Variants in C16orf96 observed in about 807,000 individuals in gnomAD.
C16orf96 encodes the protein chromosome 16 open reading frame 96, also known as uncharacterized protein C16orf96.
A neutral mutation model predicts 103.6 loss-of-function variants in C16orf96; 108 were observed. The observed-to-expected ratio is 1.04, with a 90% CI of 0.89 to 1.22. The LOEUF (loss-of-function observed/expected upper bound fraction) is 1.22. C16orf96 is among the 50% of genes most tolerant of loss of function. The pLI is 0.00. For synonymous variants in C16orf96, 566 were observed against 593.5 expected (o/e 0.95, Z 0.67); for missense variants, 1,586 against 1,464.2 (o/e 1.08, Z -1.36).
the C16orf96 span, among the ~76,000 whole-genome samples, chr16:4,540,736 A>T: frequency 6.6e-6 from 1 of 151,854 alleles, no homozygotes; most frequent in African/African-American, 2.4e-5. Context: ...AAATAAAATA[A>T]AACTCTGGAT....
intron 1 of C16orf96, chr16:4,562,900 C>G: frequency 1.4e-6 from 2 of 1,423,412 alleles, no homozygotes; most frequent in Non-Finnish European, 2.0e-6. Flanking sequence ...CCTTTTCTTC[C>G]TGGTTTCATT....
At chr16:4,545,355 T>C in the C16orf96 span, among the ~76,000 whole-genome samples, 1 of 151,902 alleles carries the variant, frequency 6.6e-6, no homozygotes, top group Admixed American at 6.6e-5. Context: ...TACAGGTGCA[T>C]GCAACCACAA....
the C16orf96 span, among the ~76,000 whole-genome samples, chr16:4,544,031 A>C: frequency 6.6e-6 from 1 of 152,156 alleles, no homozygotes; most frequent in Non-Finnish European, 1.5e-5. Context: ...AAGGGGCTCT[A>C]GGATGGATCC....
At chr16:4,579,363 G>A (rs2059554464) in intron 6 of C16orf96, among the ~76,000 whole-genome samples, 1 of 151,930 alleles carries the variant, frequency 6.6e-6, no homozygotes, top group Admixed American at 6.6e-5. Context: ...GACCAGCCTG[G>A]GCAACATAGT....
chr16:4,593,394 G>C lies in C16orf96; in HGVS notation c.2867+78G>C. 3.7e-6 allele frequency: 5 copies of C among 1,341,644 alleles called. No individual in the cohort carries two copies. Among genetic ancestry groups the C allele is most frequent in the Non-Finnish European group, 5.2e-6 (5 of 967,890 alleles). The allele number at this position is 1,341,644 out of a possible 1,614,324, so 83.1% of individuals were successfully genotyped here. A position where few individuals can be genotyped will look rare whatever the true frequency, so the allele number is the denominator to read the frequency against. ...GGAGCCTGGGAACCCTGTTCCTGCAGAGACACATCCTCCAGGCCCAGGGAC... is the reference window on the plus strand; with the variant it reads ...GGAGCCTGGGAACCCTGTTCCTGCACAGACACATCCTCCAGGCCCAGGGAC... On this transcript the variant is annotated intron_variant, in intron 12 of 15. Transcript: ENST00000444310. This position sits in a 1 kb window ranked among gnomAD's most constrained non-coding sequence, Gnocchi z 4.2.
At chr16:4,539,408 G>A in the C16orf96 span, among the ~76,000 whole-genome samples, 2 of 152,238 alleles carry the variant, frequency 1.3e-5, no homozygotes, top group Non-Finnish European at 2.9e-5. Context: ...TTAGGGCCCA[G>A]CTCAGTGGCT....
chr16:4,579,030 G>A lies in C16orf96; in HGVS notation c.2241+5G>A, dbSNP rs1239958217. ...CTCCAGAAATCTAGGCTCAAGGTTA[G>A]TGTCTCCGGCGAAGGGCTTTTGAGG... On this transcript the variant is annotated splice_donor_5th_base_variant and intron_variant, in intron 6 of 15. Coordinates refer to ENST00000444310, the MANE Select transcript of C16orf96 (RefSeq NM_001145011.2). 1 of 1,551,178 alleles carries A rather than the reference G, an allele frequency of 6.4e-7. No homozygotes were observed. Among genetic ancestry groups the A allele is most frequent in the African/African-American group, 1.4e-5 (1 of 73,054 alleles).
At chr16:4,543,145 C>G in the C16orf96 span, among the ~76,000 whole-genome samples, 1 of 152,038 alleles carries the variant, frequency 6.6e-6, no homozygotes, top group African/African-American at 2.4e-5. Flanking sequence ...GAGGGAGTGC[C>G]CGAACAAGGA....
chr16:4,587,385 A>G (rs542905326), intron 8 of C16orf96, among the ~76,000 whole-genome samples: 7 of 152,122 alleles, frequency 4.6e-5, no homozygotes, highest in Non-Finnish European at 1.0e-4. Context: ...AAAAGTAGCC[A>G]GGCGTGGTGG....
intron 7 of C16orf96, among the ~76,000 whole-genome samples, chr16:4,583,786 G>A (rs28562537): frequency 0.12 from 18,048 of 151,666 alleles, 2,490 homozygotes; most frequent in African/African-American, 0.34. Flanking sequence ...TTAGCCAGGC[G>A]TGGTGGCGCA....
intron 7 of C16orf96, 56 bp from the exon 8 acceptor site, chr16:4,586,983 C>T (rs1032928330): frequency 3.4e-6 from 5 of 1,484,342 alleles, no homozygotes; most frequent in African/African-American, 2.8e-5. Flanking sequence ...GGGAGGTTGA[C>T]ATTTTATCCT....
At chr16:4,588,701 CTTT>C (rs35941814) in intron 9 of C16orf96, among the ~76,000 whole-genome samples, 1,120 of 80,276 alleles carry the variant, frequency 0.014, 6 homozygotes, top group East Asian at 0.043. Context: ...GCAGCAATGT[CTTT>C]TTTTTTTTTT....
At chr16:4,568,477 G>T (rs1288735471) in intron 1 of C16orf96, among the ~76,000 whole-genome samples, 1 of 151,714 alleles carries the variant, frequency 6.6e-6, no homozygotes, top group Non-Finnish European at 1.5e-5. Context: ...TTATTTTATA[G>T]TGACAGGGTC....
chr16:4,591,833 T>C (rs1302747791), intron 10 of C16orf96, 49 bp downstream of exon 10: 1 of 1,372,940 alleles, frequency 7.3e-7, no homozygotes, highest in Non-Finnish European at 1.0e-6. Flanking sequence ...CTGCCCAGGC[T>C]GTGGGGAACA....
chr16:4,599,441 C>T, intron 15 of C16orf96, 77 bp downstream of exon 15: 1 of 1,279,446 alleles, frequency 7.8e-7, no homozygotes, highest in Non-Finnish European at 1.1e-6. Flanking sequence ...TCATCCCATC[C>T]CCCACACCCC....
chr16:4,561,871 C>T (rs1414189986), intron 1 of C16orf96, among the ~76,000 whole-genome samples: 1 of 152,172 alleles, frequency 6.6e-6, no homozygotes, highest in Admixed American at 6.6e-5. Flanking sequence ...AGTCTGCCTC[C>T]TTCAGGCCTC....
rs79767097 is a variant in C16orf96, at chr16:4,588,129, C to A, written c.2428-38C>A. ...TCTCCCAGCTTTGCCTTCCTCCATC[C>A]CAGCAGCCATGCCTCCCTGAACTCC... On this transcript the variant is annotated intron_variant, in intron 8 of 15. Coordinates refer to ENST00000444310, the MANE Select transcript of C16orf96 (RefSeq NM_001145011.2). 1,672 of 1,537,434 alleles carry A rather than the reference C, an allele frequency of 1.1e-3. 33 individuals are homozygous for A. The East Asian group carries it at 0.038, about 35-fold the overall frequency.
chr16:4,545,913 G>T, the C16orf96 span, among the ~76,000 whole-genome samples: 1 of 150,186 alleles, frequency 6.7e-6, no homozygotes, highest in African/African-American at 2.5e-5. Flanking sequence ...GCAATGGCGC[G>T]ATCTCAGCTC....
In C16orf96 at chr16:4,556,664, G is replaced by A. The variant is rs1416256083; in HGVS notation, c.175G>A (p.Val59Ile). 4 of 1,551,552 alleles carry A rather than the reference G, an allele frequency of 2.6e-6. No individual in the cohort carries two copies. Among genetic ancestry groups the A allele is most frequent in the Non-Finnish European group, 8.7e-7 (1 of 1,146,846 alleles). ...DEDFLQTSQV[V>I]IMPREGDAQP... ...GGACTTCCTGCAGACCTCGCAGGTG[G>A]TCATCATGCCCAGGGAAGGAGACGC... The change falls in exon 1 of 16, where the codon GTC becomes ATC. Residue 59 changes from valine to isoleucine, a missense_variant. Physicochemically the swap from Val to Ile is conservative, Grantham distance 29. Transcript: ENST00000444310.
Sources: gnomAD v4.1 joint callset for allele counts (sites outside exome capture counted in the v4.1 genomes callset) on GRCh38, gnomAD v4.1.1 for gene constraint, Gnocchi (gnomAD v3.1) non-coding constraint, MANE v1.5 for transcripts, NCBI Gene and HGNC (gene_info 2026-07-23, HGNC 2026-07-21) for gene names.